LPL: variants seen among roughly 807,000 people sequenced by gnomAD.
LPL encodes phospholipase A1.
LPL carries 43 observed loss-of-function variants against 52.2 expected under a neutral mutation model. The observed-to-expected ratio is 0.82, with a 90% CI of 0.64 to 1.06. The LOEUF is 1.06. LPL is among the 50% of genes least tolerant of loss of function. The pLI, the probability that LPL is intolerant of heterozygous loss-of-function variation, is 0.00. For synonymous variants in LPL, 244 were observed against 215.6 expected, an observed-to-expected ratio of 1.13 and a Z score of -1.15; for missense variants, 639 against 585.3, an observed-to-expected ratio of 1.09 and a Z score of -0.95.
chr8:19,943,189 A>G (rs2069855052), intron 1 of LPL, among the ~76,000 whole-genome samples: 1 of 152,184 alleles, frequency 6.6e-6, no homozygotes. Context: ...GGTAGGGGTA[A>G]TACCATTCTG....
rs296 is a variant in LPL at position 19,958,733 on chromosome 8, G to A, written c.1019-527G>A. On this transcript the variant is annotated intron_variant, in intron 6 of 9. Coordinates refer to ENST00000650287, the MANE Select transcript of LPL (RefSeq NM_000237.3). ...TGCACCTACTAGACACCTAATCTGC[G>A]CTAGATGGTGGGGGAATTAAGAGCA... Among the ~76,000 whole-genome samples, 462 of 152,248 alleles carry A rather than the reference G, an allele frequency of 3.0e-3. 1 individual carries two copies. Among genetic ancestry groups the A allele is most frequent in the Non-Finnish European group, 4.2e-3 (287 of 68,022 alleles).
chr8:19,958,212 G>A (rs1210598634), intron 6 of LPL, among the ~76,000 whole-genome samples: 1 of 152,022 alleles, frequency 6.6e-6, no homozygotes, highest in Non-Finnish European at 1.5e-5. Context: ...AGTAGAAACA[G>A]GGTTTCACCA....
At position 19,944,459 on chromosome 8, in the gene LPL, G is replaced by C. The variant is rs1427240377; in HGVS notation, c.89-3721G>C. On this transcript the variant is annotated intron_variant, in intron 1 of 9. Coordinates refer to ENST00000650287, the MANE Select transcript of LPL (RefSeq NM_000237.3). The surrounding 1 kb of genome is among the most constrained non-coding windows in gnomAD (Gnocchi z 4.2). Reference sequence around the variant, plus strand: ...GGAGTGAGAGAAAAGGGGGGAGAGAGAGAGAAAGGGGTGGGGGGATAACAG... The same window carrying C: ...GGAGTGAGAGAAAAGGGGGGAGAGACAGAGAAAGGGGTGGGGGGATAACAG... 7.1e-6 allele frequency among the ~76,000 whole-genome samples: 1 copy of C among 141,386 alleles called. No individual in the cohort carries two copies. The highest frequency in any genetic ancestry group is 1.5e-5 in the Non-Finnish European group (1 of 65,170). 92.8% of individuals were successfully genotyped at this position (141,386 alleles called of 152,430 possible). A position where few individuals can be genotyped will look rare whatever the true frequency, so the allele number is the denominator to read the frequency against.
In LPL at chr8:19,965,608, C is replaced by T. The variant is rs1277263868; in HGVS notation, c.*298C>T. On this transcript the variant is annotated 3_prime_UTR_variant, in exon 10 of 10. Transcript: ENST00000650287. ...TGAGAAAGAAATAATTGTTTGAGCG[C>T]AGAGTAAAATAAGGCTCCTTCATGT... 2.7e-6 allele frequency: 1 copy of T among 374,634 alleles called. No individual in the cohort carries two copies. The highest frequency in any genetic ancestry group is 4.8e-6 in the Non-Finnish European group (1 of 207,046). The allele number at this position is 374,634 out of a possible 1,614,324, so 23.2% of individuals were successfully genotyped here.
In LPL at chr8:19,965,703, C is replaced by A. The variant is rs2070080683; in HGVS notation, c.*393C>A. The stretch of plus-strand genomic sequence containing the variant: ...TAATTGGAATTCTGGATCTTTCGGA[C>A]TGAGGCCTTCTCAAACTTTACTCTA... On this transcript the variant is annotated 3_prime_UTR_variant, in exon 10 of 10. Transcript: ENST00000650287. 5.5e-6 allele frequency: 1 copy of A among 180,618 alleles called. No homozygotes were observed. Among genetic ancestry groups the A allele is most frequent in the South Asian group, 1.6e-4 (1 of 6,102 alleles). The allele number at this position is 180,618 out of a possible 1,614,324, so 11.2% of individuals were successfully genotyped here.
chr8:19,954,306 G>A lies in LPL; in HGVS notation c.728G>A (p.Cys243Tyr). 2 of 1,614,218 alleles carry A rather than the reference G, an allele frequency of 1.2e-6. No individual in the cohort carries two copies. Among genetic ancestry groups the A allele is most frequent in the Non-Finnish European group, 1.7e-6 (2 of 1,180,036 alleles). ...YPNGGTFQPG[C>Y]NIGEAIRVIA... is the part of the protein sequence containing the mutation. The stretch of plus-strand genomic sequence containing the variant: ...AATGGAGGTACTTTTCAGCCAGGAT[G>A]TAACATTGGAGAAGCTATCCGCGTG... Residue 243 changes from cysteine to tyrosine, a missense_variant, in exon 5 of 10, where the codon TGT (cysteine) becomes TAT (tyrosine). By Grantham distance (194) the Cys-to-Tyr change is radical (BLOSUM62 -2). Transcript: ENST00000650287.
intron 3 of LPL, among the ~76,000 whole-genome samples, chr8:19,952,512 G>A (rs922115429): frequency 3.3e-5 from 5 of 152,090 alleles, no homozygotes; most frequent in East Asian, 1.9e-4. Context: ...TTTTTCACAC[G>A]ATCCCTTGAG....
chr8:19,963,288 T>C (rs1404847124), intron 9 of LPL, among the ~76,000 whole-genome samples: 1 of 152,076 alleles, frequency 6.6e-6, no homozygotes, highest in African/African-American at 2.4e-5. Flanking sequence ...ATATAAAAAT[T>C]AGCTGGGTGT....
chr8:19,956,916 C>T (rs2069991060), intron 6 of LPL, among the ~76,000 whole-genome samples: 4 of 152,116 alleles, frequency 2.6e-5, no homozygotes, highest in South Asian at 4.1e-4. Flanking sequence ...CTCTGCCTCC[C>T]GGGTTCAAAT....
At chr8:19,941,816 T>G (rs866716237) in intron 1 of LPL, among the ~76,000 whole-genome samples, 1 of 152,206 alleles carries the variant, frequency 6.6e-6, no homozygotes, top group African/African-American at 2.4e-5. Flanking sequence ...AGTTTACTTA[T>G]TCATTCTGGA....
At chr8:19,940,032 C>A (rs1353857710) in intron 1 of LPL, among the ~76,000 whole-genome samples, 1 of 152,288 alleles carries the variant, frequency 6.6e-6, no homozygotes, top group East Asian at 1.9e-4. Context: ...GAAGCCGGGG[C>A]GCGGGGAGGC....
At chr8:19,951,712 G>A (rs2069935491) in intron 2 of LPL, 57 bp from the exon 3 acceptor site, 1 of 1,586,344 alleles carries the variant, frequency 6.3e-7, no homozygotes, top group Non-Finnish European at 8.7e-7. Context: ...TTGGGCTGAT[G>A]TATCTATGAC....
chr8:19,967,156 C>T lies in LPL; in HGVS notation c.*1846C>T, dbSNP rs15285. ...CAGTGATGGTCTCACAGAGCCAACT[C>T]ACTCTTATGAAATGGGCTTTAACAA... is the stretch of plus-strand genomic sequence containing the variant. On this transcript the variant is annotated 3_prime_UTR_variant, in exon 10 of 10. Coordinates refer to ENST00000650287, the MANE Select transcript of LPL (RefSeq NM_000237.3). The T allele has an allele frequency of 0.35, 53,331 of 152,408 alleles. 10,215 individuals are homozygous for T. Among genetic ancestry groups the T allele is most frequent in the African/African-American group, 0.51 (21,172 of 41,450 alleles). 9.4% of individuals were successfully genotyped at this position (152,408 alleles called of 1,614,324 possible). A position where few individuals can be genotyped will look rare whatever the true frequency, so the allele number is the denominator to read the frequency against.
chr8:19,957,471 G>A (rs546642106), intron 6 of LPL, among the ~76,000 whole-genome samples: 16 of 152,266 alleles, frequency 1.1e-4, no homozygotes, highest in African/African-American at 2.2e-4. Flanking sequence ...CAGGCAATGC[G>A]TATGAGGTAA....
rs2128837375 is a variant in LPL, at chr8:19,950,209, T to C, written c.250-1560T>C. On this transcript the variant is annotated intron_variant, in intron 2 of 9. Transcript: ENST00000650287. The surrounding 1 kb of genome is among the most constrained non-coding windows in gnomAD (Gnocchi z 4.2). ...CACTGGCAGGGTCAGGTGGCCCACCTGGTATAGGCAGCAGGGAGGGCTTCA... is the reference window on the plus strand; with the variant it reads ...CACTGGCAGGGTCAGGTGGCCCACCCGGTATAGGCAGCAGGGAGGGCTTCA... Among the ~76,000 whole-genome samples, 1 of 152,292 alleles carries C rather than the reference T, an allele frequency of 6.6e-6. No homozygotes were observed. The highest frequency in any genetic ancestry group is 2.1e-4 in the South Asian group (1 of 4,812).
At chr8:19,949,110 C>T (rs1340820938) in intron 2 of LPL, among the ~76,000 whole-genome samples, 1 of 152,130 alleles carries the variant, frequency 6.6e-6, no homozygotes. Context: ...ATGTTTCAAT[C>T]CCAAGTGAGT....
At position 19,960,957 on chromosome 8, in the gene LPL, T is replaced by C. The variant is rs139282874; in HGVS notation, c.1196T>C (p.Ile399Thr). ...TTCCTAATTTACACAGAGGTAGATA[T>C]TGGAGAACTACTCATGTTGAAGCTC... is the stretch of plus-strand genomic sequence containing the variant. Reference protein sequence around the residue: ...YSFLIYTEVDIGELLMLKLKW... With the variant: ...YSFLIYTEVDTGELLMLKLKW... The change falls in exon 8 of 10, where the codon ATT (isoleucine) becomes ACT (threonine). Residue 399 changes from isoleucine (I) to threonine (T), a missense_variant. Physicochemically the swap from Ile to Thr is moderately conservative, Grantham distance 89 (BLOSUM62 -1). Coordinates refer to ENST00000650287, the MANE Select transcript of LPL (RefSeq NM_000237.3). The C allele has an allele frequency of 1.3e-5, 21 of 1,613,948 alleles. No homozygotes were observed. In the African/African-American group the frequency reaches 2.1e-4, roughly 16 times the overall value.
chr8:19,954,277 C>T lies in LPL; in HGVS notation c.699C>T (p.Tyr233=), dbSNP rs370261979. 12 of 1,614,002 alleles carry T rather than the reference C, an allele frequency of 7.4e-6. No individual in the cohort carries two copies. In the African/African-American group the frequency reaches 8.0e-5, roughly 11 times the overall value. Residue 233 remains tyrosine (Y), a synonymous_variant, in exon 5 of 10, where the codon TAC becomes TAT. Transcript: ENST00000650287. ...AACCAGTTGGGCATGTTGACATTTACCCGAATGGAGGTACTTTTCAGCCAG... is the reference window on the plus strand; with the variant it reads ...AACCAGTTGGGCATGTTGACATTTATCCGAATGGAGGTACTTTTCAGCCAG... The part of the protein sequence containing the change: ...IQKPVGHVDI[Y]PNGGTFQPGC...
At chr8:19,964,766 G>T (rs1028404257) in intron 9 of LPL, among the ~76,000 whole-genome samples, 12 of 152,060 alleles carry the variant, frequency 7.9e-5, no homozygotes, top group African/African-American at 2.9e-4. Context: ...CTAACCTCAG[G>T]TGATGTGCCT....
Sources: gnomAD v4.1 joint callset for allele counts (sites outside exome capture counted in the v4.1 genomes callset) on GRCh38, gnomAD v4.1.1 for gene constraint, Gnocchi (gnomAD v3.1) non-coding constraint, MANE v1.5 for transcripts, NCBI Gene and HGNC (gene_info 2026-07-23, HGNC 2026-07-21) for gene names.